FAT3: variants seen among roughly 807,000 people sequenced by gnomAD.
The protein encoded by FAT3 is FAT atypical cadherin 3, also known as protocadherin Fat 3.
In FAT3, 95 loss-of-function variants were observed where a neutral mutation model predicts 310.2. That is an observed-to-expected ratio of 0.31 (90% CI 0.26 to 0.36). The LOEUF (loss-of-function observed/expected upper bound fraction) is 0.36, where lower values mean the gene tolerates loss of function less well. FAT3 is among the 10% of genes least tolerant of loss of function. The probability of loss-of-function intolerance (pLI) is 1.00; values close to 1 mark genes in which losing one functional copy is unlikely to be tolerated. For synonymous variants in FAT3, 2,314 were observed against 2,192.9 expected, an observed-to-expected ratio of 1.06 and a Z score of -1.54; for missense variants, 5,408 against 5,715.6, an observed-to-expected ratio of 0.95 and a Z score of 1.74.
chr11:92,688,058 G>T (rs1943685459), intron 3 of FAT3, among the ~76,000 whole-genome samples: 1 of 151,842 alleles, frequency 6.6e-6, no homozygotes, highest in Non-Finnish European at 1.5e-5. Context: ...TTTTTAACTA[G>T]CTGGGGATGA....
intron 3 of FAT3, among the ~76,000 whole-genome samples, chr11:92,598,681 A>G (rs1939849269): frequency 6.6e-6 from 1 of 152,174 alleles, no homozygotes; most frequent in African/African-American, 2.4e-5. Flanking sequence ...CCTGATCTTT[A>G]GAGGCTTTAG....
chr11:92,285,641 A>T (rs937659538), intron 1 of FAT3, among the ~76,000 whole-genome samples: 6 of 152,262 alleles, frequency 3.9e-5, no homozygotes, highest in African/African-American at 1.4e-4. Context: ...ATCTTAACCA[A>T]CTTCTAATGT....
At chr11:92,429,412 T>A (rs569589386) in intron 2 of FAT3, among the ~76,000 whole-genome samples, 1 of 152,324 alleles carries the variant, frequency 6.6e-6, no homozygotes, top group Admixed American at 6.5e-5. Flanking sequence ...GTGAATTTGA[T>A]CCTGTCATTG....
At chr11:92,379,093 C>T (rs1949425435) in intron 2 of FAT3, among the ~76,000 whole-genome samples, 1 of 152,178 alleles carries the variant, frequency 6.6e-6, no homozygotes, top group African/African-American at 2.4e-5. Context: ...TGCCACTCCT[C>T]TCTCCATATG....
intron 2 of FAT3, among the ~76,000 whole-genome samples, chr11:92,369,529 C>T (rs1279467857): frequency 6.6e-6 from 1 of 151,928 alleles, no homozygotes; most frequent in Non-Finnish European, 1.5e-5. Flanking sequence ...GGAGGAGGTG[C>T]CCTGGAAATT....
chr11:92,415,367 G>A (rs1324038178), intron 2 of FAT3, among the ~76,000 whole-genome samples: 1 of 152,178 alleles, frequency 6.6e-6, no homozygotes, highest in African/African-American at 2.4e-5. Flanking sequence ...ATTCCTAGAT[G>A]TTTGTGTGTT....
At chr11:92,558,422 G>GTGTGTGTGTGTT (rs1955098669) in intron 3 of FAT3, among the ~76,000 whole-genome samples, 1 of 151,720 alleles carries the variant, frequency 6.6e-6, no homozygotes, top group African/African-American at 2.4e-5. Context: ...GTGTGTGTGT[G>GTGTGTGTGTGTT]TATGCACGTG....
In FAT3 at chr11:92,836,644, T is replaced by C. The variant is rs1175083914; in HGVS notation, c.10165T>C (p.Phe3389Leu). The C allele has an allele frequency of 1.2e-6, 2 of 1,613,654 alleles. No homozygotes were observed. Among genetic ancestry groups the C allele is most frequent in the Non-Finnish European group, 1.7e-6 (2 of 1,179,780 alleles). The change falls in exon 16 of 28, where the codon TTT becomes CTT. Residue 3389 changes from phenylalanine (F) to leucine (L), a missense_variant. Coordinates refer to ENST00000525166, the MANE Select transcript of FAT3 (RefSeq NM_001367949.2). ...TGTGAATGGAGATCGGGACAATGAA[T>C]TTACTGTAGATCCTGTCTTGGGACT... ...SIVNGDRDNE[F>L]TVDPVLGLVK...
rs1949894565 is a variant in FAT3 at position 92,890,587 on chromosome 11, A to G, written c.13244A>G (p.His4415Arg). 1 of 1,613,554 alleles carries G rather than the reference A, an allele frequency of 6.2e-7. No individual in the cohort carries two copies. The highest frequency in any genetic ancestry group is 8.5e-7 in the Non-Finnish European group (1 of 1,179,810). ...NYENQDGGSA[H>R]QGSTRELESD... is the part of the protein sequence containing the mutation. ...GAGAACCAGGATGGAGGGTCTGCAC[A>G]CCAGGGGAGCACACGGGAGCTGGAG... is the stretch of plus-strand genomic sequence containing the variant. The change falls in exon 28 of 28, where the codon CAC (histidine) becomes CGC (arginine). Residue 4415 changes from histidine to arginine, a missense_variant. His to Arg is a conservative substitution (Grantham distance 29). Coordinates refer to ENST00000525166, the MANE Select transcript of FAT3 (RefSeq NM_001367949.2).
Position 92,844,493 on chromosome 11 carries a change from G to T in FAT3, c.11126G>T (p.Ser3709Ile), listed in dbSNP as rs75081660. ...LDMLFAVEMH[S>I]SEFYKPAYLI... ...ATGCTGTTTGCGGTGGAGATGCACAGCAGCGAGTTCTACAAGCCAGCCTAC... is the reference window on the plus strand; with the variant it reads ...ATGCTGTTTGCGGTGGAGATGCACATCAGCGAGTTCTACAAGCCAGCCTAC... Residue 3709 changes from serine to isoleucine, a missense_variant, in exon 19 of 28, where the codon AGC (serine) becomes ATC (isoleucine). By Grantham distance (142) the Ser-to-Ile change is moderately radical (BLOSUM62 -2). Around this residue, in one of 5 missense-constraint regions of FAT3, gnomAD observed 4,588 missense variants for 4,809.8 expected, o/e 0.95. Transcript: ENST00000525166. 0.011 allele frequency: 17,394 copies of T among 1,613,922 alleles called. 126 individuals are homozygous for T. Among genetic ancestry groups the T allele is most frequent in the Non-Finnish European group, 0.013 (14,786 of 1,179,842 alleles).
At chr11:92,766,360 G>A (rs550857841) in intron 6 of FAT3, among the ~76,000 whole-genome samples, 3 of 152,290 alleles carry the variant, frequency 2.0e-5, no homozygotes, top group Non-Finnish European at 4.4e-5. Flanking sequence ...GGAGAGAGTC[G>A]GTCTGGGGGA....
intron 3 of FAT3, among the ~76,000 whole-genome samples, chr11:92,568,428 T>C (rs1028012380): frequency 9.9e-5 from 15 of 152,118 alleles, no homozygotes; most frequent in Non-Finnish European, 2.2e-4. Context: ...ATTGTGTGTA[T>C]AACTTATAGT....
At chr11:92,651,308 T>A (rs1308061680) in intron 3 of FAT3, among the ~76,000 whole-genome samples, 1 of 152,192 alleles carries the variant, frequency 6.6e-6, no homozygotes, top group Non-Finnish European at 1.5e-5. Context: ...TGAAGATGGC[T>A]GGGCTGAAGG....
chr11:92,410,294 G>A (rs77302004), intron 2 of FAT3, among the ~76,000 whole-genome samples: 1,720 of 152,170 alleles, frequency 0.011, 15 homozygotes, highest in Non-Finnish European at 0.019. Context: ...ATAGGTGTGT[G>A]TGTGTGTATG....
intron 2 of FAT3, among the ~76,000 whole-genome samples, chr11:92,500,200 A>G (rs192749311): frequency 1.3e-5 from 2 of 152,150 alleles, no homozygotes; most frequent in Non-Finnish European, 2.9e-5. Context: ...CACATATCAT[A>G]TATTTATTTT....
chr11:92,244,563 T>C (rs1864817243), intron 1 of FAT3, among the ~76,000 whole-genome samples: 3 of 152,118 alleles, frequency 2.0e-5, no homozygotes, highest in Non-Finnish European at 4.4e-5. Flanking sequence ...GAGTCACCAG[T>C]GCATGCATCG....
At chr11:92,474,297 G>T (rs1951989906) in intron 2 of FAT3, among the ~76,000 whole-genome samples, 1 of 152,102 alleles carries the variant, frequency 6.6e-6, no homozygotes, top group Non-Finnish European at 1.5e-5. Context: ...TTTATTACCA[G>T]GAGTATATAC....
chr11:92,662,301 G>A (rs1942811969), intron 3 of FAT3, among the ~76,000 whole-genome samples: 1 of 152,136 alleles, frequency 6.6e-6, no homozygotes, highest in African/African-American at 2.4e-5. Flanking sequence ...TTGGGCCTGG[G>A]GAGCATTTTC....
chr11:92,711,826 C>G (rs931459065), intron 4 of FAT3, among the ~76,000 whole-genome samples: 1 of 152,184 alleles, frequency 6.6e-6, no homozygotes, highest in African/African-American at 2.4e-5. Flanking sequence ...ATCAGCTACT[C>G]TCCTTTCTTC....
Sources: gnomAD v4.1 joint callset for allele counts (sites outside exome capture counted in the v4.1 genomes callset) on GRCh38, gnomAD v4.1.1 for gene constraint, gnomAD v4.1.1 regional missense constraint, MANE v1.5 for transcripts, NCBI Gene and HGNC (gene_info 2026-07-23, HGNC 2026-07-21) for gene names.